NIPSNAP2: variants seen among roughly 807,000 people sequenced by gnomAD.
NIPSNAP2 encodes nipsnap homolog 2.
NIPSNAP2 carries 42 observed loss-of-function variants against 48.4 expected under a neutral mutation model. The ratio of observed to expected loss-of-function variants is 0.87; its 90% confidence interval spans 0.68 to 1.12. NIPSNAP2 has a LOEUF of 1.12. Among genes scored for constraint, NIPSNAP2 ranks in the 50% most tolerant of loss-of-function variants. The pLI is 0.00. For missense variants in NIPSNAP2, 314 were observed against 347.3 expected (o/e 0.90, Z 0.76); for synonymous variants, 158 against 126.6 (o/e 1.25, Z -1.67).
At chr7:55,994,469 T>C (rs1450284194) in intron 7 of NIPSNAP2, among the ~76,000 whole-genome samples, 9 of 152,146 alleles carry the variant, frequency 5.9e-5, no homozygotes, top group Admixed American at 3.3e-4. Context: ...TCCCAGCACT[T>C]TGGGAGGCTG....
At chr7:55,997,660 T>C (rs981526346) in intron 9 of NIPSNAP2, among the ~76,000 whole-genome samples, 1 of 152,194 alleles carries the variant, frequency 6.6e-6, no homozygotes, top group Non-Finnish European at 1.5e-5. Flanking sequence ...CAAATAGGTA[T>C]ATCATCTGTT....
At chr7:55,968,956 G>A (rs770677515) in intron 1 of NIPSNAP2, among the ~76,000 whole-genome samples, 96 of 151,914 alleles carry the variant, frequency 6.3e-4, no homozygotes, top group Non-Finnish European at 1.1e-3. Flanking sequence ...CTGAAGCAAG[G>A]TAATTGCTCG....
intron 3 of NIPSNAP2, 187 bp from the exon 4 acceptor site, chr7:55,981,286 G>T (rs1348924426): frequency 2.1e-6 from 1 of 467,058 alleles, no homozygotes; most frequent in Non-Finnish European, 3.9e-6. Flanking sequence ...CTTCTGATCA[G>T]CAGGGTGTTG....
chr7:55,967,640 T>C (rs1470710605), intron 1 of NIPSNAP2, among the ~76,000 whole-genome samples: 2 of 148,698 alleles, frequency 1.3e-5, no homozygotes, highest in African/African-American at 5.0e-5. Context: ...CTATTATTTA[T>C]TTATTTATTT....
chr7:55,970,518 C>T (rs1279716701), intron 1 of NIPSNAP2, among the ~76,000 whole-genome samples: 2 of 151,892 alleles, frequency 1.3e-5, no homozygotes, highest in Non-Finnish European at 2.9e-5. Context: ...GGCCATGTTG[C>T]CCAGGCTGGT....
At chr7:55,967,943 C>A (rs1786931243) in intron 1 of NIPSNAP2, among the ~76,000 whole-genome samples, 1 of 151,958 alleles carries the variant, frequency 6.6e-6, no homozygotes, top group South Asian at 2.1e-4. Flanking sequence ...AATCACCACA[C>A]CCGGCTGCTA....
intron 1 of NIPSNAP2, among the ~76,000 whole-genome samples, chr7:55,972,153 A>G (rs1309237087): frequency 1.8e-4 from 27 of 151,964 alleles, no homozygotes; most frequent in Non-Finnish European, 8.8e-5. Flanking sequence ...TAAAAATACA[A>G]AAATTAGATG....
chr7:55,983,905 C>T (rs760335350), intron 6 of NIPSNAP2, 37 bp downstream of exon 6: 2 of 1,593,186 alleles, frequency 1.3e-6, no homozygotes, highest in Non-Finnish European at 8.6e-7. Context: ...TTTTACTCCT[C>T]TGTGAAAAAG....
chr7:55,989,088 AG>A (rs377287592), intron 7 of NIPSNAP2, among the ~76,000 whole-genome samples: 10 of 152,184 alleles, frequency 6.6e-5, no homozygotes, highest in African/African-American at 2.2e-4. Flanking sequence ...ATAGCCAACA[AG>A]TAGAAACAAC....
chr7:55,971,847 A>G (rs1787020605), intron 1 of NIPSNAP2, among the ~76,000 whole-genome samples: 1 of 152,114 alleles, frequency 6.6e-6, no homozygotes, highest in Admixed American at 6.6e-5. Context: ...TCATTGCTTT[A>G]GTATTTCTTA....
intron 9 of NIPSNAP2, among the ~76,000 whole-genome samples, chr7:55,997,766 T>C (rs946874699): frequency 3.3e-5 from 5 of 152,194 alleles, no homozygotes; most frequent in Non-Finnish European, 5.9e-5. Context: ...AAATAAAATT[T>C]TTTTCTAAGC....
At chr7:55,993,927 GAAA>G (rs56908796) in intron 7 of NIPSNAP2, among the ~76,000 whole-genome samples, 1 of 139,070 alleles carries the variant, frequency 7.2e-6, no homozygotes, top group African/African-American at 2.7e-5. Flanking sequence ...TAGTAGGAAA[GAAA>G]AAAAAAAAAA....
At chr7:55,974,201 T>C (rs2116337493) in intron 1 of NIPSNAP2, among the ~76,000 whole-genome samples, 1 of 150,928 alleles carries the variant, frequency 6.6e-6, no homozygotes, top group South Asian at 2.1e-4. Flanking sequence ...CTCCAGCAAG[T>C]GCAATGAGAC....
chr7:55,982,990 G>C (rs1787252832), intron 5 of NIPSNAP2, among the ~76,000 whole-genome samples: 1 of 151,910 alleles, frequency 6.6e-6, no homozygotes, highest in South Asian at 2.1e-4. Context: ...GAGCATGGTG[G>C]TGCACAACTG....
intron 7 of NIPSNAP2, among the ~76,000 whole-genome samples, chr7:55,986,055 T>A (rs1787325372): frequency 6.6e-6 from 1 of 151,454 alleles, no homozygotes; most frequent in African/African-American, 2.4e-5. Context: ...TTCAAAAAAA[T>A]AAAATAAAAA....
intron 1 of NIPSNAP2, among the ~76,000 whole-genome samples, chr7:55,971,193 C>G (rs1352227295): frequency 6.6e-6 from 1 of 152,180 alleles, no homozygotes; most frequent in Non-Finnish European, 1.5e-5. Context: ...ATAGCTGCGA[C>G]TCGAATGACT....
chr7:55,978,686 G>A, intron 3 of NIPSNAP2: 1 of 348,582 alleles, frequency 2.9e-6, no homozygotes, highest in Non-Finnish European at 5.2e-6. Context: ...TCCAGTGCTG[G>A]AGTCCTTTCC....
intron 1 of NIPSNAP2, among the ~76,000 whole-genome samples, chr7:55,966,275 A>G (rs1786894100): frequency 1.3e-5 from 2 of 152,160 alleles, no homozygotes; most frequent in African/African-American, 2.4e-5. Context: ...TAATAGACAC[A>G]TGGATTTCAT....
At position 55,978,375 on chromosome 7, in the gene NIPSNAP2, A is replaced by G; in HGVS notation, c.258A>G (p.Leu86=). The G allele has an allele frequency of 6.2e-7, 1 of 1,612,474 alleles. No individual in the cohort carries two copies. The highest frequency in any genetic ancestry group is 8.5e-7 in the Non-Finnish European group (1 of 1,179,442). ...TTCACAATGTTAAACCGGAATGCCT[A>G]GAAGCATACAACAAAATTTGGTGTG... The part of the protein sequence containing the change: ...LQFHNVKPEC[L]EAYNKICQEV... The change falls in exon 3 of 10, where the codon CTA becomes CTG. Residue 86 remains leucine (L), a synonymous_variant. Transcript: ENST00000322090.
Sources: gnomAD v4.1 joint callset for allele counts (sites outside exome capture counted in the v4.1 genomes callset) on GRCh38, gnomAD v4.1.1 for gene constraint, MANE v1.5 for transcripts, NCBI Gene and HGNC (gene_info 2026-07-23, HGNC 2026-07-21) for gene names.